The following IGF1R variants were observed in gnomAD, a reference collection of about 807,000 sequenced individuals.
IGF1R encodes insulin like growth factor 1 receptor.
IGF1R carries 44 observed loss-of-function variants against 144.6 expected under a neutral mutation model. That is an observed-to-expected ratio of 0.30 (90% CI 0.24 to 0.39). The LOEUF (loss-of-function observed/expected upper bound fraction) is 0.39. IGF1R is among the 10% of genes least tolerant of loss of function. The probability of loss-of-function intolerance (pLI) is 1.00; values close to 1 mark genes in which losing one functional copy is unlikely to be tolerated. For synonymous variants in IGF1R, 795 were observed against 722.8 expected, an observed-to-expected ratio of 1.10 and a Z score of -1.60; for missense variants, 1,355 against 1,833.7, an observed-to-expected ratio of 0.74 and a Z score of 4.77.
intron 2 of IGF1R, among the ~76,000 whole-genome samples, chr15:98,723,906 C>T (rs1452009781): frequency 6.6e-6 from 1 of 152,148 alleles, no homozygotes; most frequent in Admixed American, 6.5e-5. Flanking sequence ...TTGATTCTCT[C>T]ATCCTACATA....
At position 98,956,928 on chromosome 15, in the gene IGF1R, A is replaced by AG. The variant is rs1006902707; in HGVS notation, c.3723-129dup. 3 of 985,324 alleles carry AG rather than the reference A, an allele frequency of 3.0e-6. No individual in the cohort carries two copies. The African/African-American group carries it at 4.7e-5, about 16-fold the overall frequency. 61.0% of individuals were successfully genotyped at this position (985,324 alleles called of 1,614,324 possible). A position where few individuals can be genotyped will look rare whatever the true frequency, so the allele number is the denominator to read the frequency against. On this transcript the variant is annotated intron_variant, in intron 20 of 20. Coordinates refer to ENST00000650285, the MANE Select transcript of IGF1R (RefSeq NM_000875.5). Reference sequence around the variant, plus strand: ...TCCAGGCAGAAAGCCAGGGATGGAGAGGGGCAGCAGGGCTGTGTTCAGTGC... The same window carrying AG: ...TCCAGGCAGAAAGCCAGGGATGGAGAGGGGGCAGCAGGGCTGTGTTCAGTGC...
At chr15:98,897,900 G>C (rs1029977058) in intron 4 of IGF1R, among the ~76,000 whole-genome samples, 6 of 151,562 alleles carry the variant, frequency 4.0e-5, no homozygotes, top group East Asian at 3.9e-4. Context: ...AGGAATTTTG[G>C]GGGGGGAATC....
chr15:98,678,445 C>G (rs1336843319), intron 1 of IGF1R, among the ~76,000 whole-genome samples: 3 of 151,324 alleles, frequency 2.0e-5, no homozygotes, highest in Non-Finnish European at 4.4e-5. Context: ...AATAAACTGT[C>G]CTTTGAAGGT....
At chr15:98,950,406 A>T (rs1161063179) in intron 20 of IGF1R, among the ~76,000 whole-genome samples, 1 of 152,220 alleles carries the variant, frequency 6.6e-6, no homozygotes, top group African/African-American at 2.4e-5. Context: ...AGGAGGCAGA[A>T]ATCAAGATGT....
intron 2 of IGF1R, among the ~76,000 whole-genome samples, chr15:98,845,126 A>G (rs2011260607): frequency 1.3e-5 from 2 of 152,176 alleles, no homozygotes; most frequent in South Asian, 4.1e-4. Context: ...CCTTGTATTC[A>G]GTAGACGGTC....
chr15:98,669,311 G>C (rs551703801), intron 1 of IGF1R, among the ~76,000 whole-genome samples: 1 of 152,176 alleles, frequency 6.6e-6, no homozygotes, highest in South Asian at 2.1e-4. Flanking sequence ...TTAAATGAAG[G>C]GTATACAAAC....
At chr15:98,768,388 G>A (rs56137693) in intron 2 of IGF1R, among the ~76,000 whole-genome samples, 5 of 151,712 alleles carry the variant, frequency 3.3e-5, no homozygotes, top group African/African-American at 4.8e-5. Flanking sequence ...AGGCTGAGGC[G>A]GGTGGATCAT....
intron 2 of IGF1R, among the ~76,000 whole-genome samples, chr15:98,762,667 G>A (rs1041073700): frequency 6.6e-6 from 1 of 152,054 alleles, no homozygotes; most frequent in African/African-American, 2.4e-5. Context: ...GGTGGAGGTT[G>A]CAGTGAACCG....
intron 2 of IGF1R, among the ~76,000 whole-genome samples, chr15:98,859,079 GAA>G (rs201512808): frequency 1.5e-5 from 2 of 133,784 alleles, no homozygotes; most frequent in African/African-American, 2.7e-5. Flanking sequence ...CATAATGGAG[GAA>G]AAAAAAAAAA....
intron 2 of IGF1R, among the ~76,000 whole-genome samples, chr15:98,772,579 C>T (rs1596291271): frequency 6.6e-6 from 1 of 151,022 alleles, no homozygotes; most frequent in South Asian, 2.1e-4. Context: ...TCACTGAAGC[C>T]TCGAACTCCT....
At chr15:98,952,289 C>G (rs1008693745) in intron 20 of IGF1R, among the ~76,000 whole-genome samples, 1 of 139,020 alleles carries the variant, frequency 7.2e-6, no homozygotes, top group African/African-American at 2.6e-5. Context: ...CTGGCTACCC[C>G]CCAGTACCCC....
chr15:98,832,165 C>T (rs1398710751), intron 2 of IGF1R, among the ~76,000 whole-genome samples: 4 of 152,168 alleles, frequency 2.6e-5, no homozygotes, highest in African/African-American at 9.7e-5. Context: ...TTCTGTCCCT[C>T]TACTTCTATG....
chr15:98,829,228 G>A (rs1040673722), intron 2 of IGF1R, among the ~76,000 whole-genome samples: 69 of 152,238 alleles, frequency 4.5e-4, no homozygotes, highest in African/African-American at 1.6e-3. Flanking sequence ...CCTTGTTGCT[G>A]CAGCCGTTTC....
chr15:98,884,699 A>AG (rs1200755580), intron 2 of IGF1R, among the ~76,000 whole-genome samples: 1 of 151,562 alleles, frequency 6.6e-6, no homozygotes, highest in Non-Finnish European at 1.5e-5. Context: ...AAAAAAAAAA[A>AG]AAAAAGAAAT....
At chr15:98,821,458 C>T (rs1230893838) in intron 2 of IGF1R, among the ~76,000 whole-genome samples, 1 of 152,208 alleles carries the variant, frequency 6.6e-6, no homozygotes, top group African/African-American at 2.4e-5. Flanking sequence ...TACGTAGTCA[C>T]TGTGGCCCCT....
intron 10 of IGF1R, among the ~76,000 whole-genome samples, chr15:98,919,631 C>A (rs984564010): frequency 3.3e-5 from 5 of 152,176 alleles, no homozygotes; most frequent in Non-Finnish European, 7.3e-5. Context: ...GTTTATCTGT[C>A]CCCCGAGTCC....
chr15:98,650,254 CG>C (rs1477628747), intron 1 of IGF1R, among the ~76,000 whole-genome samples: 1 of 152,200 alleles, frequency 6.6e-6, no homozygotes, highest in Non-Finnish European at 1.5e-5. Context: ...AAGCGCCCGT[CG>C]CTGCCTCCCG....
intron 1 of IGF1R, among the ~76,000 whole-genome samples, chr15:98,653,148 G>A (rs904595514): frequency 3.9e-5 from 6 of 152,070 alleles, no homozygotes; most frequent in African/African-American, 1.4e-4. Flanking sequence ...TGGGCAAGCA[G>A]GAGAAAAAGA....
chr15:98,798,577 C>T (rs2056297586), intron 2 of IGF1R, among the ~76,000 whole-genome samples: 1 of 152,012 alleles, frequency 6.6e-6, no homozygotes, highest in South Asian at 2.1e-4. Context: ...AACCTTAGAC[C>T]AGGATGGTGG....
Sources: gnomAD v4.1 joint callset for allele counts (sites outside exome capture counted in the v4.1 genomes callset) on GRCh38, gnomAD v4.1.1 for gene constraint, MANE v1.5 for transcripts, NCBI Gene and HGNC (gene_info 2026-07-23, HGNC 2026-07-21) for gene names.